LCT: variants seen among roughly 807,000 people sequenced by gnomAD.
LCT encodes the protein lactase, also known as lactase/phlorizin hydrolase.
Under a neutral mutation model 173.0 loss-of-function variants are expected in LCT, and 90 were observed. The observed-to-expected ratio is 0.52, with a 90% CI of 0.44 to 0.62. The LOEUF is 0.62. Among genes scored for constraint, LCT ranks in the 20% least tolerant of loss-of-function variants. The pLI is 0.00. For missense variants in LCT, 1,864 were observed against 2,431.4 expected, an observed-to-expected ratio of 0.77 and a Z score of 4.91; for synonymous variants, 853 against 957.6, an observed-to-expected ratio of 0.89 and a Z score of 2.02.
chr2:135,810,489 A>G (rs1186093113), intron 7 of LCT, among the ~76,000 whole-genome samples: 10 of 152,216 alleles, frequency 6.6e-5, no homozygotes, highest in Admixed American at 6.5e-4. Flanking sequence ...TTTTGTGGCC[A>G]TAAATCTCAA....
At chr2:135,806,021 T>A (rs2077668078) in intron 9 of LCT, among the ~76,000 whole-genome samples, 1 of 152,052 alleles carries the variant, frequency 6.6e-6, no homozygotes, top group Non-Finnish European at 1.5e-5. Context: ...TACAAAAAAA[T>A]TAAAAATAAA....
chr2:135,831,431 G>A (rs975615933), intron 2 of LCT, among the ~76,000 whole-genome samples: 7 of 152,096 alleles, frequency 4.6e-5, no homozygotes, highest in African/African-American at 1.7e-4. Context: ...GGGTCCTGTG[G>A]GATTCGTCCC....
Position 135,789,678 on chromosome 2 carries a change from G to A in LCT, c.5456C>T (p.Ser1819Phe), listed in dbSNP as rs1195161831. 5 of 1,614,184 alleles carry A rather than the reference G, an allele frequency of 3.1e-6. No individual in the cohort carries two copies. Reference sequence around the variant, plus strand: ...TGATGCTTTGGGGATCCTTGGCAGAGAAGGGTCACTGTAGTTCACAAAATG... The same window carrying A: ...TGATGCTTTGGGGATCCTTGGCAGAAAAGGGTCACTGTAGTTCACAAAATG... ...GLHFVNYSDP[S>F]LPRIPKASAK... Residue 1819 changes from serine to phenylalanine, a missense_variant, in exon 16 of 17, where the codon TCT becomes TTT. By Grantham distance (155) the Ser-to-Phe change is radical (BLOSUM62 -2). This residue lies in a region of LCT where 514 missense variants were observed against 750.1 expected (regional missense o/e 0.69). Transcript: ENST00000264162.
rs549821871 is a variant in LCT at position 135,823,603 on chromosome 2, A to G, written c.907+298T>C. Among the ~76,000 whole-genome samples, 3 of 152,282 alleles carry G rather than the reference A, an allele frequency of 2.0e-5. No homozygotes were observed. In the East Asian group the frequency reaches 5.8e-4, roughly 29 times the overall value. ...GAGAGACCTTGGAGGGAGAGGTAAT[A>G]AAAGGAGGCAAAGATGATTTTCCAT... is the stretch of plus-strand genomic sequence containing the variant. On this transcript the variant is annotated intron_variant, in intron 4 of 16. Coordinates refer to ENST00000264162, the MANE Select transcript of LCT (RefSeq NM_002299.4).
chr2:135,803,401 G>A (rs1472999976), intron 11 of LCT, among the ~76,000 whole-genome samples: 1 of 152,182 alleles, frequency 6.6e-6, no homozygotes, highest in Admixed American at 6.5e-5. Context: ...TTTGAGAAAA[G>A]TACCTATCAG....
Position 135,788,339 on chromosome 2 carries a change from C to A in LCT, c.5769G>T (p.Pro1923=). ...KTQRSQQELS[P]VSSF is the part of the protein sequence containing the mutation. ...TGGTAACTCATCAGAATGAAGACAC[C>A]GGGCTCAATTCCTGTTGGCTTCGTT... Residue 1923 remains proline (P), a synonymous_variant, in exon 17 of 17, where the codon CCG becomes CCT. Coordinates refer to ENST00000264162, the MANE Select transcript of LCT (RefSeq NM_002299.4). The A allele has an allele frequency of 6.2e-7, 1 of 1,613,096 alleles. No homozygotes were observed. The highest frequency in any genetic ancestry group is 1.1e-5 in the South Asian group (1 of 91,054).
chr2:135,834,097 G>A (rs769367986), intron 1 of LCT, among the ~76,000 whole-genome samples: 1 of 151,628 alleles, frequency 6.6e-6, no homozygotes, highest in African/African-American at 2.4e-5. Context: ...TCTATGCCAC[G>A]TCTCGTTTAT....
chr2:135,800,540 C>T (rs2077616750), intron 12 of LCT, 67 bp downstream of exon 12: 1 of 1,306,878 alleles, frequency 7.7e-7, no homozygotes, highest in South Asian at 1.2e-5. Context: ...GATTCACAAT[C>T]TGTTTCCATT....
At chr2:135,803,864 T>C in intron 11 of LCT, 66 bp downstream of exon 11, 8 of 1,464,194 alleles carry the variant, frequency 5.5e-6, no homozygotes, top group Non-Finnish European at 7.6e-6. Flanking sequence ...GCCATCTGGA[T>C]TTCAACTCTT....
chr2:135,806,035 T>A (rs1215313279), intron 9 of LCT, among the ~76,000 whole-genome samples: 1 of 152,114 alleles, frequency 6.6e-6, no homozygotes, highest in East Asian at 1.9e-4. Flanking sequence ...AAATAAAAAA[T>A]TCATTGGGTG....
intron 9 of LCT, among the ~76,000 whole-genome samples, chr2:135,805,323 T>C (rs979067227): frequency 2.0e-5 from 3 of 152,062 alleles, no homozygotes; most frequent in Admixed American, 1.3e-4. Flanking sequence ...ATTAGCCAAG[T>C]GTGGTTACCT....
At chr2:135,826,857 C>A (rs539946723) in intron 3 of LCT, among the ~76,000 whole-genome samples, 32 of 152,260 alleles carry the variant, frequency 2.1e-4, no homozygotes, top group Non-Finnish European at 4.1e-4. Context: ...AAGCACAGGC[C>A]CTGGGCAGCA....
rs552384763 is a variant in LCT at position 135,811,083 on chromosome 2, G to A, written c.2354-1090C>T. Among the ~76,000 whole-genome samples, 3 of 152,110 alleles carry A rather than the reference G, an allele frequency of 2.0e-5. No individual in the cohort carries two copies. In the East Asian group the frequency reaches 5.8e-4, roughly 29 times the overall value. On this transcript the variant is annotated intron_variant, in intron 7 of 16. Coordinates refer to ENST00000264162, the MANE Select transcript of LCT (RefSeq NM_002299.4). Reference sequence around the variant, plus strand: ...TAGCCTGGTGTGGTGGTGTGCACCTGTAGTCCCAGCCACTTGGGAGGCTGA... The same window carrying A: ...TAGCCTGGTGTGGTGGTGTGCACCTATAGTCCCAGCCACTTGGGAGGCTGA...
chr2:135,836,981 A>G lies in LCT; in HGVS notation c.189T>C (p.Val63=), dbSNP rs1679418511. 3 of 1,614,128 alleles carry G rather than the reference A, an allele frequency of 1.9e-6. No homozygotes were observed. The highest frequency in any genetic ancestry group is 4.5e-5 in the East Asian group (2 of 44,882). ...NFVAGDKDMY[V]CHQPLPTFLP... Reference sequence around the variant, plus strand: ...GGAAAGTGGGCAGTGGCTGGTGACAAACATACATGTCTTTGTCCCCTGCTA... The same window carrying G: ...GGAAAGTGGGCAGTGGCTGGTGACAGACATACATGTCTTTGTCCCCTGCTA... Residue 63 remains valine, a synonymous_variant, in exon 1 of 17, where the codon GTT becomes GTC. Transcript: ENST00000264162.
At chr2:135,832,917 G>A (rs2077951477) in intron 2 of LCT, among the ~76,000 whole-genome samples, 194 bp downstream of exon 2, 1 of 152,148 alleles carries the variant, frequency 6.6e-6, no homozygotes, top group Non-Finnish European at 1.5e-5. Context: ...CAGGGAAGCT[G>A]ACACTTGACC....
intron 2 of LCT, among the ~76,000 whole-genome samples, chr2:135,830,159 G>A (rs1334245005): frequency 1.3e-5 from 2 of 152,100 alleles, no homozygotes; most frequent in African/African-American, 4.8e-5. Flanking sequence ...TCAGGCCACC[G>A]TTTGAAGTCC....
intron 9 of LCT, among the ~76,000 whole-genome samples, chr2:135,806,195 G>A (rs894174248): frequency 6.6e-6 from 1 of 151,984 alleles, no homozygotes; most frequent in Non-Finnish European, 1.5e-5. Flanking sequence ...GCCATGTCTT[G>A]CCCAGGCTGG....
chr2:135,816,018 A>G (rs571417691), intron 6 of LCT, among the ~76,000 whole-genome samples: 1 of 152,312 alleles, frequency 6.6e-6, no homozygotes, highest in South Asian at 2.1e-4. Flanking sequence ...CTCATCTTTA[A>G]GAATGGAACC....
intron 14 of LCT, among the ~76,000 whole-genome samples, chr2:135,793,784 A>G (rs1005668715): frequency 1.3e-5 from 2 of 152,084 alleles, no homozygotes; most frequent in African/African-American, 4.8e-5. Flanking sequence ...GAAAAAGACA[A>G]TCGGCTGGGC....
Sources: allele counts gnomAD v4.1 joint callset (sites outside exome capture counted in the v4.1 genomes callset), GRCh38; gene constraint gnomAD v4.1.1; regional missense constraint gnomAD v4.1.1; transcripts MANE v1.5; gene names NCBI Gene and HGNC (gene_info 2026-07-23, HGNC 2026-07-21).